PPP1R1C: variants seen among roughly 807,000 people sequenced by gnomAD.
The protein encoded by PPP1R1C is protein phosphatase 1 regulatory subunit 1C.
Under a neutral mutation model 17.4 loss-of-function variants are expected in PPP1R1C, and 15 were observed. That is an observed-to-expected ratio of 0.86 (90% confidence interval 0.58 to 1.33). The LOEUF (loss-of-function observed/expected upper bound fraction) is 1.33. Among genes scored for constraint, PPP1R1C ranks in the 40% most tolerant of loss-of-function variants. The pLI, the probability that PPP1R1C is intolerant of heterozygous loss-of-function variation, is 0.00. For missense variants in PPP1R1C, 143 were observed against 130.0 expected (o/e 1.10, Z -0.48); for synonymous variants, 35 against 43.1 (o/e 0.81, Z 0.73).
At chr2:182,118,865 C>G (rs1689656532), downstream of PPP1R1C, among the ~76,000 whole-genome samples, 3 of 151,560 alleles carry the variant, frequency 2.0e-5, no homozygotes, top group South Asian at 6.3e-4. Flanking sequence ...CCTTCTCCCT[C>G]TCCTTCTCTG....
intron 2 of PPP1R1C, among the ~76,000 whole-genome samples, chr2:181,989,654 C>G (rs1049160210): frequency 6.6e-6 from 1 of 152,118 alleles, no homozygotes; most frequent in Non-Finnish European, 1.5e-5. Context: ...TCTCTAGAAA[C>G]CTTTTTTTTT....
intron 1 of PPP1R1C, among the ~76,000 whole-genome samples, chr2:181,964,862 T>C (rs927669473): frequency 1.3e-5 from 2 of 152,160 alleles, no homozygotes; most frequent in Non-Finnish European, 2.9e-5. Context: ...CCTGCCACCA[T>C]GCCTGGCAAA....
intron 4 of PPP1R1C, among the ~76,000 whole-genome samples, chr2:182,081,372 T>C (rs1688470684): frequency 6.6e-6 from 1 of 152,202 alleles, no homozygotes; most frequent in Admixed American, 6.5e-5. Flanking sequence ...AATGAGTGCC[T>C]TAACCTCTTT....
intron 4 of PPP1R1C, among the ~76,000 whole-genome samples, chr2:182,092,048 C>T (rs1688796351): frequency 6.6e-6 from 1 of 152,030 alleles, no homozygotes. Context: ...GCATTTTTTA[C>T]CTACAAAGTA....
chr2:182,099,901 G>T (rs1376660410), intron 4 of PPP1R1C, among the ~76,000 whole-genome samples: 1 of 152,080 alleles, frequency 6.6e-6, no homozygotes, highest in Non-Finnish European at 1.5e-5. Flanking sequence ...AATCAGCTGT[G>T]AAGATTTTGA....
At chr2:182,042,346 T>A (rs957255724) in intron 2 of PPP1R1C, among the ~76,000 whole-genome samples, 1 of 152,194 alleles carries the variant, frequency 6.6e-6, no homozygotes, top group Non-Finnish European at 1.5e-5. Flanking sequence ...TGGATGGAAG[T>A]ACTTTATCTG....
chr2:182,069,032 G>A (rs980956870), intron 4 of PPP1R1C, among the ~76,000 whole-genome samples: 7 of 152,184 alleles, frequency 4.6e-5, no homozygotes, highest in Non-Finnish European at 1.0e-4. Context: ...AAGGCAGCAA[G>A]ATCTCTTAGC....
intron 2 of PPP1R1C, among the ~76,000 whole-genome samples, chr2:181,999,983 T>C (rs1045124629): frequency 2.6e-5 from 4 of 152,180 alleles, no homozygotes; most frequent in African/African-American, 9.7e-5. Flanking sequence ...CATGACCGAT[T>C]TGTGCACATA....
chr2:181,962,117 A>G lies in PPP1R1C; in HGVS notation n.111+7483A>G. On this transcript the variant is annotated intron_variant and non_coding_transcript_variant, in intron 1 of 5. Coordinates refer to the PPP1R1C transcript ENST00000464264. This position sits in a 1 kb window ranked among gnomAD's most constrained non-coding sequence, Gnocchi z 6.0. The stretch of plus-strand genomic sequence containing the variant: ...GTAATGACTCCAGTCTCTGACCTGG[A>G]GTCCCTTCTTCTCCAGGTGCTCCCG... 1 of 724,008 alleles carries G rather than the reference A, an allele frequency of 1.4e-6. No homozygotes were observed. The highest frequency in any genetic ancestry group is 2.5e-6 in the Non-Finnish European group (1 of 393,082). 44.8% of individuals were successfully genotyped at this position (724,008 alleles called of 1,614,324 possible).
intron 4 of PPP1R1C, among the ~76,000 whole-genome samples, chr2:182,100,283 G>A (rs1282897958): frequency 6.6e-6 from 1 of 151,930 alleles, no homozygotes; most frequent in Non-Finnish European, 1.5e-5. Flanking sequence ...AGGCTGAGGC[G>A]GGTGAATCAC....
At chr2:182,051,955 A>G (rs1181488951) in intron 2 of PPP1R1C, among the ~76,000 whole-genome samples, 1 of 151,926 alleles carries the variant, frequency 6.6e-6, no homozygotes, top group Non-Finnish European at 1.5e-5. Flanking sequence ...AGCCGCTGAG[A>G]TCGCGCCGTT....
At chr2:182,060,393 T>C (rs1196157) in intron 2 of PPP1R1C, among the ~76,000 whole-genome samples, 113,040 of 151,940 alleles carry the variant, frequency 0.74, 42,315 homozygotes, top group Middle Eastern at 0.78. Flanking sequence ...CACATACATA[T>C]GTATACACTG....
At chr2:182,023,417 C>T (rs1486764097) in intron 2 of PPP1R1C, among the ~76,000 whole-genome samples, 1 of 151,802 alleles carries the variant, frequency 6.6e-6, no homozygotes, top group Non-Finnish European at 1.5e-5. Flanking sequence ...ATGGAAACAA[C>T]TTGAAAAAAA....
chr2:181,958,449 T>C (rs779444433), intron 1 of PPP1R1C, among the ~76,000 whole-genome samples: 1 of 152,128 alleles, frequency 6.6e-6, no homozygotes, highest in Non-Finnish European at 1.5e-5. Flanking sequence ...GGGATGGGCA[T>C]AGGAATCATA....
intron 2 of PPP1R1C, among the ~76,000 whole-genome samples, chr2:182,022,364 C>T (rs1450979602): frequency 1.3e-5 from 2 of 152,116 alleles, no homozygotes; most frequent in African/African-American, 2.4e-5. Context: ...AATAAAGTTG[C>T]CTTCATTCTT....
intron 2 of PPP1R1C, among the ~76,000 whole-genome samples, chr2:182,033,844 C>G (rs1433578517): frequency 6.6e-6 from 1 of 152,176 alleles, no homozygotes; most frequent in Admixed American, 6.5e-5. Flanking sequence ...TCAATCTCAT[C>G]CTTACGCTAA....
At chr2:182,086,637 GAAGAA>G (rs1688637652) in intron 4 of PPP1R1C, among the ~76,000 whole-genome samples, 2 of 152,190 alleles carry the variant, frequency 1.3e-5, no homozygotes, top group South Asian at 4.1e-4. Context: ...AGAGAAAACG[GAAGAA>G]AATACAGCAA....
At position 181,956,076 on chromosome 2, in the gene PPP1R1C, G is replaced by A. The variant is rs183203277; in HGVS notation, n.111+1442G>A. 3.1e-3 allele frequency among the ~76,000 whole-genome samples: 476 copies of A among 152,158 alleles called. 15 individuals carry two copies. Among genetic ancestry groups the A allele is most frequent in the Admixed American group, 0.028 (422 of 15,280 alleles). Reference sequence around the variant, plus strand: ...CGCCACCCCTGCCCACAGGCCTGGCGTGTGAGGTTCCCCTCCCTGTGCCCA... The same window carrying A: ...CGCCACCCCTGCCCACAGGCCTGGCATGTGAGGTTCCCCTCCCTGTGCCCA... On this transcript the variant is annotated intron_variant and non_coding_transcript_variant, in intron 1 of 5. Coordinates refer to the PPP1R1C transcript ENST00000464264.
At chr2:182,032,074 C>G (rs1686859251) in intron 2 of PPP1R1C, among the ~76,000 whole-genome samples, 1 of 152,150 alleles carries the variant, frequency 6.6e-6, no homozygotes, top group South Asian at 2.1e-4. Context: ...CTTTCCTAAA[C>G]ATTTAAATTT....
Sources: gnomAD v4.1 joint callset for allele counts (sites outside exome capture counted in the v4.1 genomes callset) on GRCh38, gnomAD v4.1.1 for gene constraint, Gnocchi (gnomAD v3.1) non-coding constraint, MANE v1.5 for transcripts, NCBI Gene and HGNC (gene_info 2026-07-23, HGNC 2026-07-21) for gene names.